The following DPYD variants were observed in gnomAD, a reference collection of about 807,000 sequenced individuals.
DPYD encodes dihydropyrimidine dehydrogenase [NADP(+)].
A neutral mutation model predicts 116.2 loss-of-function variants in DPYD; 109 were observed. The ratio of observed to expected loss-of-function variants is 0.94; its 90% confidence interval spans 0.80 to 1.10. The LOEUF is 1.10. Among genes scored for constraint, DPYD ranks in the 50% least tolerant of loss-of-function variants. The pLI is 0.00. For synonymous variants in DPYD, 440 were observed against 432.0 expected (o/e 1.02, Z -0.23); for missense variants, 1,302 against 1,254.5 (o/e 1.04, Z -0.57).
intron 16 of DPYD, among the ~76,000 whole-genome samples, chr1:97,346,020 T>C (rs1669823511): frequency 6.6e-6 from 1 of 151,870 alleles, no homozygotes; most frequent in African/African-American, 2.4e-5. Context: ...AAGTTTTTAT[T>C]TCTCATTCCT....
chr1:97,664,971 C>T (rs924826509), intron 8 of DPYD, among the ~76,000 whole-genome samples: 2 of 151,994 alleles, frequency 1.3e-5, no homozygotes, highest in African/African-American at 4.8e-5. Context: ...TAACACATTT[C>T]GGTCTCTACC....
intron 20 of DPYD, among the ~76,000 whole-genome samples, chr1:97,140,720 A>C (rs2101693467): frequency 6.6e-6 from 1 of 152,218 alleles, no homozygotes; most frequent in East Asian, 1.9e-4. Flanking sequence ...GTGCAGGTTA[A>C]AGCAGAGATT....
intron 4 of DPYD, among the ~76,000 whole-genome samples, chr1:97,725,108 C>T (rs560978432): frequency 6.6e-6 from 1 of 151,674 alleles, no homozygotes; most frequent in South Asian, 2.1e-4. Flanking sequence ...AGCAAACTTA[C>T]AGGATACAAG....
At chr1:97,194,630 G>A (rs562892244) in intron 19 of DPYD, among the ~76,000 whole-genome samples, 21 of 151,846 alleles carry the variant, frequency 1.4e-4, no homozygotes, top group African/African-American at 4.8e-4. Flanking sequence ...TCTGCCTCTC[G>A]AGTAGCTGGG....
At chr1:97,481,707 G>A (rs908721835) in intron 13 of DPYD, among the ~76,000 whole-genome samples, 2 of 151,992 alleles carry the variant, frequency 1.3e-5, no homozygotes, top group African/African-American at 4.8e-5. Context: ...CTTTTAAATT[G>A]GAATACTAAA....
At chr1:97,397,102 G>C (rs910880414) in intron 14 of DPYD, among the ~76,000 whole-genome samples, 1 of 151,966 alleles carries the variant, frequency 6.6e-6, no homozygotes, top group Non-Finnish European at 1.5e-5. Flanking sequence ...AGTAAATGTT[G>C]GTGGAAAGAA....
At chr1:97,234,739 T>G in intron 19 of DPYD, 113 bp downstream of exon 19, 1 of 1,315,068 alleles carries the variant, frequency 7.6e-7, no homozygotes, top group East Asian at 2.5e-5. Flanking sequence ...TGATCCCAAA[T>G]GGCCTCCTTT....
chr1:97,123,523 G>A (rs1365603906), intron 20 of DPYD, among the ~76,000 whole-genome samples: 1 of 151,968 alleles, frequency 6.6e-6, no homozygotes. Context: ...AATATATGAA[G>A]AAAAATATAT....
At chr1:97,787,062 C>T (rs1464909368) in intron 3 of DPYD, among the ~76,000 whole-genome samples, 1 of 152,150 alleles carries the variant, frequency 6.6e-6, no homozygotes, top group Non-Finnish European at 1.5e-5. Context: ...ATGCATTCTC[C>T]TATTTTCCAT....
At chr1:97,188,741 C>T (rs940030651) in intron 20 of DPYD, among the ~76,000 whole-genome samples, 2 of 152,154 alleles carry the variant, frequency 1.3e-5, no homozygotes, top group African/African-American at 4.8e-5. Context: ...AATTCAGCTA[C>T]CATGCCATTA....
chr1:97,876,736 T>A (rs545941299), intron 2 of DPYD, among the ~76,000 whole-genome samples: 2 of 151,968 alleles, frequency 1.3e-5, no homozygotes, highest in Non-Finnish European at 2.9e-5. Context: ...GGAAATAATA[T>A]AACTACAGAA....
chr1:97,912,180 T>C (rs1414155923), intron 1 of DPYD, among the ~76,000 whole-genome samples: 2 of 151,876 alleles, frequency 1.3e-5, no homozygotes, highest in Non-Finnish European at 2.9e-5. Context: ...GACACTTAAT[T>C]CAGTTGAAGC....
intron 19 of DPYD, among the ~76,000 whole-genome samples, chr1:97,201,658 C>G (rs1266374905): frequency 6.6e-6 from 1 of 152,120 alleles, no homozygotes; most frequent in Non-Finnish European, 1.5e-5. Context: ...AACCACAAAT[C>G]TTAGTTGTTC....
intron 20 of DPYD, among the ~76,000 whole-genome samples, chr1:97,152,523 T>G (rs1655104927): frequency 6.6e-6 from 1 of 151,400 alleles, no homozygotes; most frequent in Non-Finnish European, 1.5e-5. Context: ...ATAGTTAATA[T>G]CTATAAATAT....
intron 8 of DPYD, among the ~76,000 whole-genome samples, chr1:97,597,359 T>C (rs898082638): frequency 4.6e-5 from 7 of 152,186 alleles, no homozygotes; most frequent in Admixed American, 4.6e-4. Flanking sequence ...GATACTTTGA[T>C]AGTCTATGCT....
At chr1:97,695,225 A>G (rs746117818) in intron 6 of DPYD, among the ~76,000 whole-genome samples, 1 of 152,108 alleles carries the variant, frequency 6.6e-6, no homozygotes, top group African/African-American at 2.4e-5. Context: ...AATTGAAAAT[A>G]GCTATATCCT....
At chr1:97,223,605 A>AT (rs1190714283) in intron 19 of DPYD, among the ~76,000 whole-genome samples, 1 of 152,080 alleles carries the variant, frequency 6.6e-6, no homozygotes, top group Non-Finnish European at 1.5e-5. Context: ...TAGTATGTAT[A>AT]TTTTTTATCT....
At chr1:97,160,308 G>A (rs1344018394) in intron 20 of DPYD, among the ~76,000 whole-genome samples, 1 of 148,082 alleles carries the variant, frequency 6.8e-6, no homozygotes, top group Non-Finnish European at 1.5e-5. Flanking sequence ...TCAGTAGAAT[G>A]GGAAGCTACA....
intron 20 of DPYD, among the ~76,000 whole-genome samples, chr1:97,158,465 C>A (rs905514988): frequency 1.0e-5 from 1 of 97,570 alleles, no homozygotes; most frequent in African/African-American, 3.2e-5. Context: ...CTGCAGATAA[C>A]TCACCAGACA....
Sources: allele counts gnomAD v4.1 joint callset (sites outside exome capture counted in the v4.1 genomes callset), GRCh38; gene constraint gnomAD v4.1.1; transcripts MANE v1.5; gene names NCBI Gene and HGNC (gene_info 2026-07-23, HGNC 2026-07-21).